CHEK1: variants seen among roughly 807,000 people sequenced by gnomAD.
The protein encoded by CHEK1 is serine/threonine-protein kinase Chk1.
Under a neutral mutation model 60.2 loss-of-function variants are expected in CHEK1, and 32 were observed. The observed-to-expected ratio is 0.53, with a 90% CI of 0.40 to 0.71. The LOEUF (loss-of-function observed/expected upper bound fraction) is 0.71, where lower values mean the gene tolerates loss of function less well. CHEK1 is among the 30% of genes least tolerant of loss of function. The probability of loss-of-function intolerance (pLI) is 0.00; values close to 1 mark genes in which losing one functional copy is unlikely to be tolerated. For missense variants in CHEK1, 399 were observed against 564.6 expected, an observed-to-expected ratio of 0.71 and a Z score of 2.97; for synonymous variants, 179 against 187.2, an observed-to-expected ratio of 0.96 and a Z score of 0.36.
downstream of CHEK1, chr11:125,678,330 G>A (rs1236606573): frequency 6.2e-7 from 1 of 1,601,254 alleles, no homozygotes. Flanking sequence ...GAGAGTTGGT[G>A]AAGCTGACAG....
downstream of CHEK1, among the ~76,000 whole-genome samples, chr11:125,661,669 A>C (rs1177836764): frequency 6.6e-6 from 1 of 150,842 alleles, no homozygotes; most frequent in Non-Finnish European, 1.5e-5. Flanking sequence ...TTTGGAATCT[A>C]TATGCTTTTT....
At chr11:125,650,619 G>A (rs1941689717) in intron 11 of CHEK1, among the ~76,000 whole-genome samples, 1 of 151,804 alleles carries the variant, frequency 6.6e-6, no homozygotes, top group African/African-American at 2.4e-5. Context: ...ACTGTGCCTG[G>A]CTTTTTGTAT....
At chr11:125,678,978 T>TATATATATATATATATATA (rs1555078666), downstream of CHEK1, among the ~76,000 whole-genome samples, 459 of 88,316 alleles carry the variant, frequency 5.2e-3, 14 homozygotes, top group African/African-American at 0.017. Context: ...TCTAGGCATA[T>TATATATATATATATATATA]TATATATATA....
intron 13 of CHEK1, among the ~76,000 whole-genome samples, chr11:125,667,118 G>A (rs1942114008): frequency 6.6e-6 from 1 of 151,924 alleles, no homozygotes. Flanking sequence ...AGTAAGCATA[G>A]TACCCAACAG....
downstream of CHEK1, chr11:125,678,121 T>G (rs1591439276): frequency 6.2e-7 from 1 of 1,614,194 alleles, no homozygotes; most frequent in East Asian, 2.2e-5. Context: ...ACAGTGTGCT[T>G]GCTTGAACCA....
rs1940548450 is a variant in CHEK1 at position 125,625,561 on chromosome 11, A to C, written c.-472A>C. 1.7e-6 allele frequency: 1 copy of C among 588,184 alleles called. No homozygotes were observed. Among genetic ancestry groups the C allele is most frequent in the East Asian group, 2.8e-5 (1 of 35,936 alleles). 36.4% of individuals were successfully genotyped at this position (588,184 alleles called of 1,614,324 possible). ...CCTCACAGTCCTGTCCGGTGGCCTC[A>C]CGCAGGTGGCGGTGCAGCCTTTCAG... is the stretch of plus-strand genomic sequence containing the variant. On this transcript the variant is annotated 5_prime_UTR_variant, in exon 1 of 13. Coordinates refer to ENST00000438015, the MANE Select transcript of CHEK1 (RefSeq NM_001114122.3).
chr11:125,677,941 C>T, downstream of CHEK1: 2 of 1,612,580 alleles, frequency 1.2e-6, no homozygotes, highest in Non-Finnish European at 8.5e-7. Flanking sequence ...GAAGGCTGTT[C>T]ACCTGACTCA....
chr11:125,661,586 A>G (rs1477329208), downstream of CHEK1, among the ~76,000 whole-genome samples: 1 of 152,140 alleles, frequency 6.6e-6, no homozygotes, highest in Non-Finnish European at 1.5e-5. Context: ...TACTGACATT[A>G]CAGGCGTGAG....
chr11:125,646,005 C>T (rs896677419), intron 11 of CHEK1, among the ~76,000 whole-genome samples: 1 of 151,982 alleles, frequency 6.6e-6, no homozygotes, highest in African/African-American at 2.4e-5. Context: ...TCACTTTAAC[C>T]ATTTTAAAAT....
chr11:125,678,272 A>T (rs1162865325), downstream of CHEK1: 2 of 1,614,120 alleles, frequency 1.2e-6, no homozygotes, highest in Non-Finnish European at 1.7e-6. Flanking sequence ...TGGAGCCAGA[A>T]AGCTCATTAG....
chr11:125,625,919 G>C lies in CHEK1; in HGVS notation c.-114G>C. The C allele has an allele frequency of 1.4e-6, 1 of 702,642 alleles. No homozygotes were observed. Among genetic ancestry groups the C allele is most frequent in the Non-Finnish European group, 2.6e-6 (1 of 385,006 alleles). 43.5% of individuals were successfully genotyped at this position (702,642 alleles called of 1,614,324 possible). A position where few individuals can be genotyped will look rare whatever the true frequency, so the allele number is the denominator to read the frequency against. On this transcript the variant is annotated 5_prime_UTR_variant, in exon 1 of 13. Transcript: ENST00000438015. ...CGCGCGCTGTCTTGCTTTACGGCGC[G>C]GGTGCGCGAGTTTGCGGCAGCGTGA...
chr11:125,635,593 T>C, intron 7 of CHEK1, 60 bp downstream of exon 7: 1 of 1,108,782 alleles, frequency 9.0e-7, no homozygotes, highest in South Asian at 1.7e-5. Context: ...TCTTGTGCTA[T>C]TTGAATTTTT....
chr11:125,661,018 A>G (rs1942003002), downstream of CHEK1, among the ~76,000 whole-genome samples: 1 of 151,884 alleles, frequency 6.6e-6, no homozygotes, highest in Admixed American at 6.6e-5. Context: ...TCAGGTGATC[A>G]GCCCACCTTG....
chr11:125,667,680 G>A (rs1942124354), intron 13 of CHEK1, among the ~76,000 whole-genome samples: 1 of 152,138 alleles, frequency 6.6e-6, no homozygotes, highest in Non-Finnish European at 1.5e-5. Flanking sequence ...GAGGGCAGTG[G>A]CACGATCTCA....
chr11:125,661,696 C>T (rs11220177), downstream of CHEK1, among the ~76,000 whole-genome samples: 1,347 of 151,966 alleles, frequency 8.9e-3, 21 homozygotes, highest in African/African-American at 0.029. Flanking sequence ...GAGGGTTACT[C>T]TAGCTATTAC....
intron 8 of CHEK1, among the ~76,000 whole-genome samples, chr11:125,640,404 G>C (rs944193512): frequency 1.3e-5 from 2 of 150,160 alleles, no homozygotes; most frequent in Admixed American, 6.6e-5. Context: ...AGCCGGGCGA[G>C]GTGGCGGTCG....
downstream of CHEK1, among the ~76,000 whole-genome samples, chr11:125,661,775 C>A (rs766052918): frequency 6.6e-6 from 1 of 151,884 alleles, no homozygotes; most frequent in Admixed American, 6.6e-5. Context: ...GATCTTTACA[C>A]TTTTATAATT....
chr11:125,640,340 GA>G lies in CHEK1; in HGVS notation c.814+2797del, dbSNP rs567378567. ...GCGGATCACGAGGTCAGGAGATCGA[GA>G]CCATCCTGGCTAACACGGTGTCACC... is the stretch of plus-strand genomic sequence containing the variant. On this transcript the variant is annotated intron_variant, in intron 8 of 12. Coordinates refer to ENST00000438015, the MANE Select transcript of CHEK1 (RefSeq NM_001114122.3). Among the ~76,000 whole-genome samples the G allele has an allele frequency of 6.4e-3, 979 of 152,182 alleles. 8 individuals carry two copies. The highest frequency in any genetic ancestry group is 0.022 in the African/African-American group (934 of 41,544).
At position 125,653,905 on chromosome 11, in the gene CHEK1, A is replaced by G. The variant is rs1188383111; in HGVS notation, c.1335+58A>G. 3.8e-6 allele frequency: 4 copies of G among 1,039,158 alleles called. No individual in the cohort carries two copies. The highest frequency in any genetic ancestry group is 2.6e-5 in the East Asian group (1 of 39,032). 64.4% of individuals were successfully genotyped at this position (1,039,158 alleles called of 1,614,324 possible). Reference sequence around the variant, plus strand: ...GAAATATTTCTATATGAATTTTTTTAATGGCATTATGTTTGTATATATGTG... The same window carrying G: ...GAAATATTTCTATATGAATTTTTTTGATGGCATTATGTTTGTATATATGTG... On this transcript the variant is annotated intron_variant, in intron 12 of 12. Coordinates refer to ENST00000438015, the MANE Select transcript of CHEK1 (RefSeq NM_001114122.3). The surrounding 1 kb of genome is among the most constrained non-coding windows in gnomAD (Gnocchi z 4.3).
Sources: allele counts gnomAD v4.1 joint callset (sites outside exome capture counted in the v4.1 genomes callset), GRCh38; gene constraint gnomAD v4.1.1; non-coding constraint Gnocchi (gnomAD v3.1); transcripts MANE v1.5; gene names NCBI Gene and HGNC (gene_info 2026-07-23, HGNC 2026-07-21).